DET1: variants seen among roughly 807,000 people sequenced by gnomAD.
DET1 encodes the protein DET1 partner of COP1 E3 ubiquitin ligase, also known as DET1 homolog.
A neutral mutation model predicts 43.7 loss-of-function variants in DET1; 22 were observed. That is an observed-to-expected ratio of 0.50 (90% confidence interval 0.36 to 0.72). DET1 has a LOEUF of 0.72. Ranked by LOEUF, DET1 falls within the 30% of genes least tolerant of loss-of-function variation. DET1 has a pLI of 0.00. For missense variants in DET1, 713 were observed against 713.3 expected (o/e 1.00, Z 0.00); for synonymous variants, 315 against 266.2 (o/e 1.18, Z -1.79).
At chr15:88,545,486 TC>T (rs766843672) in intron 1 of DET1, among the ~76,000 whole-genome samples, 37 of 152,258 alleles carry the variant, frequency 2.4e-4, no homozygotes, top group Non-Finnish European at 4.1e-4. Context: ...GAAAATAACA[TC>T]CCCTGGTATC....
chr15:88,529,831 C>T (rs2056765345), intron 2 of DET1, among the ~76,000 whole-genome samples: 2 of 152,170 alleles, frequency 1.3e-5, no homozygotes, highest in Admixed American at 6.5e-5. Flanking sequence ...AAGACAAATG[C>T]CCAAATTACC....
At chr15:88,541,618 CTA>C (rs1244168357) in intron 1 of DET1, among the ~76,000 whole-genome samples, 1 of 152,192 alleles carries the variant, frequency 6.6e-6, no homozygotes, top group Non-Finnish European at 1.5e-5. Context: ...GGGTGGCCCT[CTA>C]AAGGATCATT....
intron 8 of DET1, chr15:88,502,538 C>G (rs7172599): frequency 0.22 from 33,016 of 152,156 alleles, 4,606 homozygotes; most frequent in African/African-American, 0.39. Context: ...GTGTGGGGAG[C>G]CTTCGAGCTC....
chr15:88,542,388 C>T (rs773899944), intron 1 of DET1, among the ~76,000 whole-genome samples: 5 of 152,112 alleles, frequency 3.3e-5, no homozygotes, highest in Non-Finnish European at 7.4e-5. Flanking sequence ...AGCCCATAAA[C>T]TTGTCTAAGA....
Position 88,531,553 on chromosome 15 carries a change from T to G in DET1, c.153A>C (p.Thr51=), listed in dbSNP as rs1302546373. ...AAGGAGGCTTTTCAACGTTGACAAC[T>G]GTGAAGTTGGGGAAGACATTCTGAT... ...VFHQNVFPNF[T]VVNVEKPPCF... is the part of the protein sequence containing the mutation. The change falls in exon 2 of 5, where the codon ACA becomes ACC. Residue 51 remains threonine (T), a synonymous_variant. Transcript: ENST00000268148. This position sits in a 1 kb window ranked among gnomAD's most constrained non-coding sequence, Gnocchi z 6.2. 1.9e-6 allele frequency: 3 copies of G among 1,613,982 alleles called. No homozygotes were observed. Among genetic ancestry groups the G allele is most frequent in the South Asian group, 2.2e-5 (2 of 91,078 alleles).
Position 88,530,977 on chromosome 15 carries a change from C to G in DET1, c.729G>C (p.Gln243His), listed in dbSNP as rs1305053288. The G allele has an allele frequency of 1.2e-6, 2 of 1,613,826 alleles. No individual in the cohort carries two copies. Among genetic ancestry groups the G allele is most frequent in the Non-Finnish European group, 1.7e-6 (2 of 1,179,870 alleles). Reference protein sequence around the residue: ...SVQQQTIHVFQVTPEGTFIDV... With the variant: ...SVQQQTIHVFHVTPEGTFIDV... ...CAATGAAAGTGCCTTCAGGAGTCAC[C>G]TGGAAGACATGGATGGTCTGTTGTT... The change falls in exon 2 of 5, where the codon CAG (glutamine) becomes CAC (histidine). Residue 243 changes from glutamine to histidine, a missense_variant. Coordinates refer to ENST00000268148, the MANE Select transcript of DET1 (RefSeq NM_001144074.3).
intron 3 of DET1, among the ~76,000 whole-genome samples, chr15:88,517,333 C>T (rs2056208992): frequency 6.6e-6 from 1 of 151,062 alleles, no homozygotes; most frequent in African/African-American, 2.4e-5. Context: ...TCAAGTGTTC[C>T]TCCCACCTCA....
At chr15:88,503,906 G>A (rs574770375) in exon 8 of DET1, 2 of 152,080 alleles carry the variant, frequency 1.3e-5, no homozygotes, top group Admixed American at 6.6e-5. Context: ...AGGCTGAGAC[G>A]GGAGGATCGT....
At chr15:88,513,684 G>C (rs1180077989) in intron 4 of DET1, among the ~76,000 whole-genome samples, 1 of 114,562 alleles carries the variant, frequency 8.7e-6, no homozygotes, top group Non-Finnish European at 1.7e-5. Context: ...ATCTCAACTT[G>C]AACTAGCCAC....
rs527771928 is a variant in DET1 at position 88,545,164 on chromosome 15, T to A, written c.-11+1376A>T. Among the ~76,000 whole-genome samples the A allele has an allele frequency of 7.0e-4, 107 of 152,032 alleles. 2 individuals carry two copies. Among genetic ancestry groups the A allele is most frequent in the Middle Eastern group, 3.4e-3 (1 of 294 alleles). On this transcript the variant is annotated intron_variant, in intron 1 of 4. Transcript: ENST00000268148. ...GTAACTCGTGCTTCTCATCCTAAAT[T>A]ATGTACTAAAAAAAAAATTGTAATC... is the stretch of plus-strand genomic sequence containing the variant.
At chr15:88,507,688 T>G (rs1056631623), downstream of DET1, among the ~76,000 whole-genome samples, 1 of 152,222 alleles carries the variant, frequency 6.6e-6, no homozygotes, top group Admixed American at 6.5e-5. Flanking sequence ...TGAAGTAACA[T>G]GTATCCCACA....
intron 1 of DET1, among the ~76,000 whole-genome samples, chr15:88,540,814 T>C (rs2057086934): frequency 7.3e-6 from 1 of 136,112 alleles, no homozygotes; most frequent in African/African-American, 3.0e-5. Flanking sequence ...CACCACTCCC[T>C]AATCTCAAGT....
intron 1 of DET1, among the ~76,000 whole-genome samples, chr15:88,533,075 C>T (rs887686241): frequency 2.0e-5 from 3 of 152,108 alleles, no homozygotes; most frequent in Admixed American, 6.6e-5. Context: ...ATATAAAGAA[C>T]TCCTATAACT....
chr15:88,541,569 C>T (rs548176613), intron 1 of DET1, among the ~76,000 whole-genome samples: 25 of 152,228 alleles, frequency 1.6e-4, no homozygotes, highest in Admixed American at 1.2e-3. Flanking sequence ...AGGCAAGCTC[C>T]GGACACTCTG....
intron 7 of DET1, chr15:88,505,423 A>G (rs973140110): frequency 1.3e-5 from 2 of 152,238 alleles, no homozygotes; most frequent in Admixed American, 6.5e-5. Flanking sequence ...CCAATGGCAA[A>G]TCTGTGCTTT....
Position 88,516,242 on chromosome 15 carries a change from G to T in DET1, c.1463+540C>A, listed in dbSNP as rs2056341641. On this transcript the variant is annotated intron_variant, in intron 4 of 4. Transcript: ENST00000268148. The surrounding 1 kb of genome is among the most constrained non-coding windows in gnomAD (Gnocchi z 4.4). ...GGCTCCATATATGTAGTGACAGTTG[G>T]GTCTGTGAACTAGACTTCTGTGAGG... Among the ~76,000 whole-genome samples, 1 of 152,116 alleles carries T rather than the reference G, an allele frequency of 6.6e-6. No homozygotes were observed. The highest frequency in any genetic ancestry group is 2.4e-5 in the African/African-American group (1 of 41,416).
At chr15:88,519,488 A>C (rs1480692925) in intron 3 of DET1, among the ~76,000 whole-genome samples, 1 of 151,776 alleles carries the variant, frequency 6.6e-6, no homozygotes, top group Non-Finnish European at 1.5e-5. Flanking sequence ...ACGCTCTCCA[A>C]CCATCTTCTC....
chr15:88,519,254 C>T (rs920313462), intron 3 of DET1, among the ~76,000 whole-genome samples: 5 of 152,290 alleles, frequency 3.3e-5, no homozygotes, highest in African/African-American at 9.6e-5. Flanking sequence ...TCACTCTCTT[C>T]GATGTCTTCA....
chr15:88,522,803 C>T (rs148283753), intron 3 of DET1, among the ~76,000 whole-genome samples: 2,552 of 151,914 alleles, frequency 0.017, 73 homozygotes, highest in African/African-American at 0.058. Context: ...CAGGCATGAG[C>T]CACCGCGCAC....
Sources: allele counts gnomAD v4.1 joint callset (sites outside exome capture counted in the v4.1 genomes callset), GRCh38; gene constraint gnomAD v4.1.1; non-coding constraint Gnocchi (gnomAD v3.1); transcripts MANE v1.5; gene names NCBI Gene and HGNC (gene_info 2026-07-23, HGNC 2026-07-21).